Variants in LRRC4C observed in about 807,000 individuals in gnomAD.
LRRC4C encodes the protein leucine-rich repeat-containing protein 4C.
In LRRC4C, 5 loss-of-function variants were observed where a neutral mutation model predicts 33.6. The observed-to-expected ratio is 0.15, with a 90% CI of 0.08 to 0.31. The LOEUF (loss-of-function observed/expected upper bound fraction) is 0.31. Ranked by LOEUF, LRRC4C falls within the 10% of genes least tolerant of loss-of-function variation. LRRC4C has a pLI of 1.00. For synonymous variants in LRRC4C, 329 were observed against 302.0 expected (o/e 1.09, Z -0.93); for missense variants, 560 against 796.7 (o/e 0.70, Z 3.58).
chr11:40,725,692 T>C (rs1947258175), intron 2 of LRRC4C, among the ~76,000 whole-genome samples: 1 of 152,136 alleles, frequency 6.6e-6, no homozygotes, highest in South Asian at 2.1e-4. Context: ...AAGAAACATG[T>C]TATCAAACTG....
chr11:41,034,117 C>T (rs572723134), intron 1 of LRRC4C, among the ~76,000 whole-genome samples: 1 of 151,884 alleles, frequency 6.6e-6, no homozygotes, highest in Admixed American at 6.6e-5. Context: ...GTGTTGGAAA[C>T]TTGGATTAAT....
chr11:40,928,857 A>G (rs1957498219), intron 2 of LRRC4C, among the ~76,000 whole-genome samples: 1 of 152,292 alleles, frequency 6.6e-6, no homozygotes, highest in African/African-American at 2.4e-5. Context: ...ATTTTTTCTT[A>G]ATTTCCCAAA....
intron 2 of LRRC4C, among the ~76,000 whole-genome samples, chr11:40,870,894 CTT>C (rs1565153752): frequency 6.6e-6 from 1 of 152,172 alleles, no homozygotes; most frequent in Admixed American, 6.5e-5. Flanking sequence ...CCATATTTCT[CTT>C]CTTTCAAAAG....
intron 3 of LRRC4C, among the ~76,000 whole-genome samples, chr11:40,430,211 G>T (rs1171565611): frequency 6.9e-6 from 1 of 145,192 alleles, no homozygotes; most frequent in African/African-American, 2.5e-5. Context: ...AAATCACTGT[G>T]CAGTAGGGGG....
intron 1 of LRRC4C, among the ~76,000 whole-genome samples, chr11:41,059,605 T>C (rs930003342): frequency 2.6e-5 from 4 of 152,216 alleles, no homozygotes; most frequent in African/African-American, 4.8e-5. Context: ...TTACACCTTT[T>C]AGAGTCTTTA....
intron 1 of LRRC4C, among the ~76,000 whole-genome samples, chr11:41,363,679 T>G (rs1043985234): frequency 6.6e-6 from 1 of 152,150 alleles, no homozygotes; most frequent in African/African-American, 2.4e-5. Flanking sequence ...ATAAAGTAAA[T>G]TAGATATTTT....
At chr11:41,428,531 G>T (rs947464839) in intron 1 of LRRC4C, among the ~76,000 whole-genome samples, 1 of 152,084 alleles carries the variant, frequency 6.6e-6, no homozygotes, top group African/African-American at 2.4e-5. Context: ...CCCCAGCAAG[G>T]TGAAGTTATT....
intron 3 of LRRC4C, among the ~76,000 whole-genome samples, chr11:40,476,829 A>T (rs1953260887): frequency 2.0e-5 from 3 of 152,144 alleles, no homozygotes; most frequent in African/African-American, 4.8e-5. Flanking sequence ...AACATTTTTT[A>T]AAAAGGAGGC....
intron 1 of LRRC4C, among the ~76,000 whole-genome samples, chr11:41,070,193 G>C (rs182698041): frequency 6.6e-6 from 1 of 152,262 alleles, no homozygotes; most frequent in African/African-American, 2.4e-5. Context: ...AATAAATGGT[G>C]CTGAGAAAAC....
intron 2 of LRRC4C, among the ~76,000 whole-genome samples, chr11:40,663,416 G>T (rs976855124): frequency 6.6e-6 from 1 of 152,116 alleles, no homozygotes; most frequent in Admixed American, 6.5e-5. Context: ...CTTCCTTTTG[G>T]TAATTAATTG....
chr11:41,341,117 G>A (rs904640492), intron 1 of LRRC4C, among the ~76,000 whole-genome samples: 10 of 151,420 alleles, frequency 6.6e-5, no homozygotes, highest in Non-Finnish European at 1.0e-4. Context: ...ATGTTGTCCT[G>A]TAACAAGGAC....
At chr11:40,557,732 AT>A (rs1957387693) in intron 3 of LRRC4C, among the ~76,000 whole-genome samples, 1 of 151,994 alleles carries the variant, frequency 6.6e-6, no homozygotes, top group Admixed American at 6.6e-5. Flanking sequence ...ATAGGTAGTT[AT>A]TTTTAATGAA....
chr11:40,869,486 G>T (rs561695011), intron 2 of LRRC4C, among the ~76,000 whole-genome samples: 1 of 152,258 alleles, frequency 6.6e-6, no homozygotes, highest in East Asian at 1.9e-4. Flanking sequence ...AGAAACATCT[G>T]AAACTGGTGA....
At chr11:41,320,653 C>G (rs552872836) in intron 1 of LRRC4C, among the ~76,000 whole-genome samples, 1 of 152,284 alleles carries the variant, frequency 6.6e-6, no homozygotes, top group South Asian at 2.1e-4. Context: ...ATAACTAAGA[C>G]AAGCTTAGTG....
chr11:41,011,003 G>A (rs1368292909), intron 1 of LRRC4C, among the ~76,000 whole-genome samples: 1 of 152,256 alleles, frequency 6.6e-6, no homozygotes, highest in East Asian at 1.9e-4. Flanking sequence ...CCCTCTGTCT[G>A]GCTGTTACTG....
intron 1 of LRRC4C, among the ~76,000 whole-genome samples, chr11:40,982,935 G>T (rs1273127148): frequency 6.6e-6 from 1 of 152,076 alleles, no homozygotes; most frequent in Admixed American, 6.5e-5. Context: ...TTGGTTTTCT[G>T]TTCTGGTGTT....
At chr11:40,208,222 T>C (rs7926808) in intron 5 of LRRC4C, among the ~76,000 whole-genome samples, 90,183 of 151,998 alleles carry the variant, frequency 0.59, 26,990 homozygotes, top group Admixed American at 0.64. Flanking sequence ...TATACCAGTT[T>C]AAAGGAAAAG....
At chr11:40,791,188 T>C (rs562049415) in intron 2 of LRRC4C, among the ~76,000 whole-genome samples, 3 of 152,138 alleles carry the variant, frequency 2.0e-5, no homozygotes, top group Non-Finnish European at 4.4e-5. Flanking sequence ...GGGAATAAAG[T>C]TCAGTTGGCT....
chr11:41,395,513 A>G (rs1225125760), intron 1 of LRRC4C, among the ~76,000 whole-genome samples: 1 of 151,998 alleles, frequency 6.6e-6, no homozygotes, highest in East Asian at 1.9e-4. Context: ...TAATCAAATA[A>G]TAATACAAAA....
Sources: gnomAD v4.1 joint callset for allele counts (sites outside exome capture counted in the v4.1 genomes callset) on GRCh38, gnomAD v4.1.1 for gene constraint, MANE v1.5 for transcripts, NCBI Gene and HGNC (gene_info 2026-07-23, HGNC 2026-07-21) for gene names.